Variants in OPRM1 observed in about 807,000 individuals in gnomAD.
OPRM1 encodes the protein mu-type opioid receptor.
Under a neutral mutation model 31.8 loss-of-function variants are expected in OPRM1, and 27 were observed. The ratio of observed to expected loss-of-function variants is 0.85; its 90% CI spans 0.63 to 1.17. The LOEUF is 1.17. Among genes scored for constraint, OPRM1 ranks in the 50% most tolerant of loss-of-function variants. OPRM1 has a pLI of 0.00. For missense variants in OPRM1, 536 were observed against 511.1 expected (o/e 1.05, Z -0.47); for synonymous variants, 196 against 189.9 (o/e 1.03, Z -0.26).
intron 3 of OPRM1, chr6:154,217,000 G>A (rs1443469567): frequency 1.3e-5 from 2 of 157,166 alleles, no homozygotes; most frequent in African/African-American, 4.8e-5. Flanking sequence ...AAATCTTTGT[G>A]TTCACTTTAA....
chr6:154,057,691 A>C (rs1403222461), intron 1 of OPRM1, among the ~76,000 whole-genome samples: 1 of 152,232 alleles, frequency 6.6e-6, no homozygotes, highest in African/African-American at 2.4e-5. Context: ...AAAATTTTAC[A>C]AATAGTAAGG....
intron 3 of OPRM1, among the ~76,000 whole-genome samples, chr6:154,103,324 T>C (rs1166322227): frequency 1.3e-5 from 2 of 152,228 alleles, no homozygotes; most frequent in Non-Finnish European, 2.9e-5. Context: ...GATTAAATCA[T>C]TAAAATGTAT....
chr6:154,032,602 A>G (rs1216238105), intron 1 of OPRM1, among the ~76,000 whole-genome samples: 2 of 152,064 alleles, frequency 1.3e-5, no homozygotes, highest in Admixed American at 6.5e-5. Flanking sequence ...CACTTGGATA[A>G]TTTTTTGTTT....
At chr6:154,118,647 A>T (rs1583618440) in intron 3 of OPRM1, 36 bp from the exon 4 acceptor site, 2 of 1,606,972 alleles carry the variant, frequency 1.2e-6, no homozygotes, top group Non-Finnish European at 1.7e-6. Context: ...ACCGTATCTG[A>T]AATGTTCACT....
intron 1 of OPRM1, among the ~76,000 whole-genome samples, chr6:154,030,225 A>T (rs1185338842): frequency 6.6e-6 from 1 of 150,460 alleles, no homozygotes; most frequent in South Asian, 2.1e-4. Flanking sequence ...TAAGAAGAGG[A>T]TATATTAATA....
At chr6:154,212,854 T>C (rs141919748) in intron 3 of OPRM1, 4 of 1,606,294 alleles carry the variant, frequency 2.5e-6, no homozygotes, top group Non-Finnish European at 3.4e-6. Context: ...CACTGTAACA[T>C]TCTATAACAA....
chr6:154,109,910 G>A (rs192628264), intron 3 of OPRM1, among the ~76,000 whole-genome samples: 2 of 151,744 alleles, frequency 1.3e-5, no homozygotes, highest in East Asian at 1.9e-4. Flanking sequence ...AGTTTTTCAA[G>A]GGACACCTTA....
chr6:154,100,258 AAT>A (rs1491407905), intron 3 of OPRM1, among the ~76,000 whole-genome samples: 1 of 148,932 alleles, frequency 6.7e-6, no homozygotes, highest in Non-Finnish European at 1.5e-5. Context: ...CATATATCAT[AAT>A]ATATATTATC....
chr6:154,081,905 T>A (rs532839816), intron 1 of OPRM1, among the ~76,000 whole-genome samples: 1 of 152,274 alleles, frequency 6.6e-6, no homozygotes, highest in Admixed American at 6.5e-5. Context: ...CTTTGCTTAG[T>A]TTCATAGAGG....
downstream of OPRM1, among the ~76,000 whole-genome samples, chr6:154,136,510 A>C (rs1798062986): frequency 6.6e-6 from 1 of 151,902 alleles, no homozygotes; most frequent in African/African-American, 2.4e-5. Context: ...TGTAGACTGA[A>C]CTCATCTAAA....
intron 1 of OPRM1, among the ~76,000 whole-genome samples, chr6:154,076,952 G>A (rs1189716694): frequency 6.6e-6 from 1 of 152,002 alleles, no homozygotes; most frequent in Non-Finnish European, 1.5e-5. Context: ...TTGCTGAAAA[G>A]TAAAATAGAA....
rs953206447 is a variant in OPRM1, at chr6:154,166,184, C to T, written c.1164+74712C>T. 1.7e-4 allele frequency among the ~76,000 whole-genome samples: 26 copies of T among 152,308 alleles called. 1 individual carries two copies. The highest frequency in any genetic ancestry group is 3.3e-4 in the Admixed American group (5 of 15,294). On this transcript the variant is annotated intron_variant, in intron 3 of 3. Coordinates refer to the OPRM1 transcript ENST00000337049. Reference sequence around the variant, plus strand: ...AATTTGTTACCTAGCACTGGATAACCGATACACTGACAGAAAAGCAAAAGC... The same window carrying T: ...AATTTGTTACCTAGCACTGGATAACTGATACACTGACAGAAAAGCAAAAGC...
At position 154,118,848 on chromosome 6, in the gene OPRM1, C is replaced by G; in HGVS notation, c.*127C>G. On this transcript the variant is annotated 3_prime_UTR_variant, in exon 4 of 4. Coordinates refer to ENST00000330432, the MANE Select transcript of OPRM1 (RefSeq NM_000914.5). The stretch of plus-strand genomic sequence containing the variant: ...AAGTGCCTGCTTTTAGGTCATCCAA[C>G]CTCTTTCCTCTCTGGCCACTCTGCT... 6.6e-7 allele frequency: 1 copy of G among 1,512,514 alleles called. No homozygotes were observed. Among genetic ancestry groups the G allele is most frequent in the South Asian group, 1.3e-5 (1 of 75,716 alleles). 93.7% of individuals were successfully genotyped at this position (1,512,514 alleles called of 1,614,324 possible).
intron 1 of OPRM1, among the ~76,000 whole-genome samples, chr6:154,024,588 C>G (rs1473777014): frequency 6.8e-6 from 1 of 147,166 alleles, no homozygotes; most frequent in Non-Finnish European, 1.5e-5. Context: ...CTAATTTTAT[C>G]TTCAGTTTGT....
At chr6:154,205,889 A>C (rs1350383618) in intron 3 of OPRM1, among the ~76,000 whole-genome samples, 1 of 151,958 alleles carries the variant, frequency 6.6e-6, no homozygotes, top group African/African-American at 2.4e-5. Context: ...TCCAACTAGG[A>C]TTACAATAGC....
chr6:154,153,662 G>A (rs1798604086), intron 3 of OPRM1, among the ~76,000 whole-genome samples: 2 of 149,780 alleles, frequency 1.3e-5, no homozygotes, highest in Admixed American at 6.6e-5. Context: ...TCCAGCCTGC[G>A]CGACAGAGTG....
intron 3 of OPRM1, among the ~76,000 whole-genome samples, chr6:154,117,132 G>A (rs904999001): frequency 2.0e-5 from 3 of 152,094 alleles, no homozygotes; most frequent in Non-Finnish European, 4.4e-5. Context: ...TGGACCACTC[G>A]CTGCCCACCT....
At chr6:154,148,818 G>T (rs1798422040) in intron 3 of OPRM1, among the ~76,000 whole-genome samples, 1 of 152,168 alleles carries the variant, frequency 6.6e-6, no homozygotes, top group Non-Finnish European at 1.5e-5. Flanking sequence ...AGGCTGTAGG[G>T]CAGTCATAGC....
exon 1 of OPRM1, chr6:154,010,604 A>C: frequency 2.0e-6 from 3 of 1,532,910 alleles, no homozygotes; most frequent in Non-Finnish European, 2.6e-6. Flanking sequence ...AGGAAGTGTG[A>C]TCTGTCACAA....
Sources: gnomAD v4.1 joint callset for allele counts (sites outside exome capture counted in the v4.1 genomes callset) on GRCh38, gnomAD v4.1.1 for gene constraint, MANE v1.5 for transcripts, NCBI Gene and HGNC (gene_info 2026-07-23, HGNC 2026-07-21) for gene names.